The following POLR3GL variants were observed in gnomAD, a reference collection of about 807,000 sequenced individuals.
POLR3GL encodes the protein DNA-directed RNA polymerase III subunit RPC7-like.
In POLR3GL, 26 loss-of-function variants were observed where a neutral mutation model predicts 32.4. That is an observed-to-expected ratio of 0.80 (90% CI 0.59 to 1.11). The LOEUF is 1.11. POLR3GL is among the 50% of genes most tolerant of loss of function. The pLI is 0.00. For synonymous variants in POLR3GL, 95 were observed against 98.7 expected (o/e 0.96, Z 0.22); for missense variants, 229 against 280.1 (o/e 0.82, Z 1.30).
intron 1 of POLR3GL, among the ~76,000 whole-genome samples, chr1:145,969,844 G>A (rs1271916879): frequency 3.3e-5 from 5 of 149,324 alleles, no homozygotes; most frequent in Admixed American, 6.7e-5. Context: ...GCTTGAACCC[G>A]TAAGGTGGAG....
intron 4 of POLR3GL, 128 bp downstream of exon 4, chr1:145,977,280 T>C: frequency 1.1e-6 from 1 of 929,788 alleles, no homozygotes; most frequent in East Asian, 2.4e-5. Flanking sequence ...GCCTTAGTTA[T>C]GGTCCAACAC....
chr1:145,977,640 C>G (rs1571001823), intron 5 of POLR3GL, 101 bp downstream of exon 5: 1 of 1,316,676 alleles, frequency 7.6e-7, no homozygotes, highest in South Asian at 1.2e-5. Context: ...GTTCCTATAC[C>G]CAATCTACCA....
intron 3 of POLR3GL, among the ~76,000 whole-genome samples, chr1:145,976,461 C>T (rs1464162134): frequency 1.3e-5 from 2 of 149,708 alleles, no homozygotes; most frequent in East Asian, 3.9e-4. Context: ...TGCCTCTAAT[C>T]CCAGCTGCTT....
intron 1 of POLR3GL, among the ~76,000 whole-genome samples, chr1:145,971,389 C>T (rs1477313192): frequency 2.0e-5 from 3 of 150,948 alleles, no homozygotes; most frequent in African/African-American, 7.4e-5. Context: ...TTAAGTGTGA[C>T]GGGTTTCTCA....
intron 5 of POLR3GL, 91 bp downstream of exon 5, chr1:145,977,630 G>A: frequency 7.4e-7 from 1 of 1,360,160 alleles, no homozygotes; most frequent in Non-Finnish European, 1.1e-6. Context: ...TTCCATCCCA[G>A]TTCCTATACC....
Position 145,975,339 on chromosome 1 carries a change from A to G in POLR3GL, c.159A>G (p.Ser53=). 1.2e-6 allele frequency: 2 copies of G among 1,614,170 alleles called. No individual in the cohort carries two copies. The highest frequency in any genetic ancestry group is 8.5e-7 in the Non-Finnish European group (1 of 1,179,992). ...PLEFRPVPLP[S]GEEGEYVLAL... ...AGTTCCGCCCAGTACCTTTGCCCTC[A>G]GGCGAGGAAGGGGAATATGTCCTGG... Residue 53 remains serine, a synonymous_variant, in exon 3 of 8, where the codon TCA becomes TCG. Coordinates refer to ENST00000369314, the MANE Select transcript of POLR3GL (RefSeq NM_032305.3).
At chr1:145,965,367 A>G (rs1649971684) in intron 1 of POLR3GL, among the ~76,000 whole-genome samples, 1 of 152,232 alleles carries the variant, frequency 6.6e-6, no homozygotes, top group Non-Finnish European at 1.5e-5. Flanking sequence ...AATAAAAGAC[A>G]ATACAGTATG....
At chr1:145,975,582 A>G in intron 3 of POLR3GL, 146 bp downstream of exon 3, 2 of 866,150 alleles carry the variant, frequency 2.3e-6, no homozygotes, top group Admixed American at 5.9e-5. Context: ...GAAATGCATT[A>G]TAGTATTCAT....
At chr1:145,970,978 G>A (rs1355354023) in intron 1 of POLR3GL, among the ~76,000 whole-genome samples, 1 of 149,778 alleles carries the variant, frequency 6.7e-6, no homozygotes, top group East Asian at 2.0e-4. Context: ...CTGGTCGGGA[G>A]GTGGAGACCA....
rs1220610205 is a variant in POLR3GL at position 145,977,965 on chromosome 1, T to A, written c.457-18T>A. 1 of 1,613,834 alleles carries A rather than the reference T, an allele frequency of 6.2e-7. No homozygotes were observed. The highest frequency in any genetic ancestry group is 1.3e-5 in the African/African-American group (1 of 74,808). ...TGAACTGAACCTGAGTTTCTATTCCTATTCATCCCCACATGAGACCCTGGA... is the reference window on the plus strand; with the variant it reads ...TGAACTGAACCTGAGTTTCTATTCCAATTCATCCCCACATGAGACCCTGGA... On this transcript the variant is annotated intron_variant, in intron 6 of 7. Coordinates refer to ENST00000369314, the MANE Select transcript of POLR3GL (RefSeq NM_032305.3).
intron 1 of POLR3GL, among the ~76,000 whole-genome samples, chr1:145,968,588 T>C (rs1650140417): frequency 6.6e-6 from 1 of 151,974 alleles, no homozygotes; most frequent in South Asian, 2.1e-4. Context: ...TTTTTTTTTT[T>C]TGAGACAGAG....
At chr1:145,968,080 C>T (rs1314870689) in intron 1 of POLR3GL, among the ~76,000 whole-genome samples, 3 of 152,114 alleles carry the variant, frequency 2.0e-5, no homozygotes, top group Non-Finnish European at 4.4e-5. Context: ...CAGTAACTTC[C>T]ACCACAATAT....
intron 7 of POLR3GL, 57 bp from the exon 8 acceptor site, chr1:145,978,304 A>G (rs1650656989): frequency 1.4e-6 from 2 of 1,385,036 alleles, no homozygotes; most frequent in South Asian, 2.3e-5. Flanking sequence ...GGGGTCTGGT[A>G]CACAGGAAGG....
chr1:145,976,984 G>A, intron 3 of POLR3GL, 100 bp from the exon 4 acceptor site: 1 of 989,456 alleles, frequency 1.0e-6, no homozygotes, highest in Middle Eastern at 2.5e-4. Flanking sequence ...TTTGGGGTAA[G>A]GAAACAGATA....
At chr1:145,970,499 G>A (rs1354338252) in intron 1 of POLR3GL, among the ~76,000 whole-genome samples, 1 of 151,446 alleles carries the variant, frequency 6.6e-6, no homozygotes, top group Non-Finnish European at 1.5e-5. Flanking sequence ...ATATATTTTA[G>A]AACAATTTAA....
Position 145,966,714 on chromosome 1 carries a change from AGGAGGT to A in POLR3GL, c.-42+1953_-42+1958del, listed in dbSNP as rs1488943421. Among the ~76,000 whole-genome samples, 10 of 152,154 alleles carry A rather than the reference AGGAGGT, an allele frequency of 6.6e-5. No individual in the cohort carries two copies. The South Asian group carries it at 2.1e-3, about 32-fold the overall frequency. ...TGAGGCAGGAGAATCACTTGAACCC[AGGAGGT>A]GGAGGTTGCGGTGAGCTGAGATTGC... On this transcript the variant is annotated intron_variant, in intron 1 of 7. Coordinates refer to ENST00000369314, the MANE Select transcript of POLR3GL (RefSeq NM_032305.3).
intron 1 of POLR3GL, among the ~76,000 whole-genome samples, chr1:145,966,116 C>CAAAAAA (rs58691867): frequency 2.7e-5 from 1 of 37,160 alleles, no homozygotes; most frequent in Non-Finnish European, 5.2e-5. Context: ...AACTCCCTCT[C>CAAAAAA]AAAAAAAAAA....
At chr1:145,972,057 G>A (rs1417649901) in intron 1 of POLR3GL, among the ~76,000 whole-genome samples, 1 of 134,756 alleles carries the variant, frequency 7.4e-6, no homozygotes, top group African/African-American at 2.8e-5. Flanking sequence ...GAGAGAGAGA[G>A]AAATTCCCTA....
chr1:145,978,677 T>G lies in POLR3GL; in HGVS notation c.*230T>G. The G allele has an allele frequency of 1.9e-6, 1 of 519,820 alleles. No individual in the cohort carries two copies. The highest frequency in any genetic ancestry group is 3.4e-6 in the Non-Finnish European group (1 of 292,454). The allele number at this position is 519,820 out of a possible 1,614,324, so 32.2% of individuals were successfully genotyped here. A position where few individuals can be genotyped will look rare whatever the true frequency, so the allele number is the denominator to read the frequency against. On this transcript the variant is annotated 3_prime_UTR_variant, in exon 8 of 8. Coordinates refer to ENST00000369314, the MANE Select transcript of POLR3GL (RefSeq NM_032305.3). ...GTGCAAAGGACAAACATCTCAATTG[T>G]ATGAAGGGAGAAAGGAGAATTGAAA... is the stretch of plus-strand genomic sequence containing the variant.
Sources: allele counts gnomAD v4.1 joint callset (sites outside exome capture counted in the v4.1 genomes callset), GRCh38; gene constraint gnomAD v4.1.1; transcripts MANE v1.5; gene names NCBI Gene and HGNC (gene_info 2026-07-23, HGNC 2026-07-21).